The following GABBR2 variants were observed in gnomAD, a reference collection of about 807,000 sequenced individuals.
The protein encoded by GABBR2 is gamma-aminobutyric acid type B receptor subunit 2.
GABBR2 carries 23 observed loss-of-function variants against 105.6 expected under a neutral mutation model. The ratio of observed to expected loss-of-function variants is 0.22; its 90% CI spans 0.16 to 0.31. The LOEUF (loss-of-function observed/expected upper bound fraction) is 0.31. GABBR2 is among the 10% of genes least tolerant of loss of function. GABBR2 has a pLI of 1.00. For missense variants in GABBR2, 734 were observed against 1,245.5 expected (o/e 0.59, Z 6.18); for synonymous variants, 478 against 499.7 (o/e 0.96, Z 0.58).
intron 3 of GABBR2, among the ~76,000 whole-genome samples, chr9:98,497,596 A>T (rs1827307544): frequency 6.6e-6 from 1 of 152,194 alleles, no homozygotes; most frequent in Non-Finnish European, 1.5e-5. Flanking sequence ...CTGCTCTATC[A>T]CTGACTTGCT....
chr9:98,406,042 A>C (rs1446352954), intron 8 of GABBR2, 39 bp downstream of exon 8: 1 of 1,136,460 alleles, frequency 8.8e-7, no homozygotes, highest in Non-Finnish European at 1.3e-6. Flanking sequence ...CTGAATCTAA[A>C]TTTTATCAGC....
intron 4 of GABBR2, among the ~76,000 whole-genome samples, chr9:98,484,027 G>A (rs1351087887): frequency 3.3e-5 from 5 of 152,182 alleles, no homozygotes; most frequent in Non-Finnish European, 7.3e-5. Flanking sequence ...GGCCTACGCT[G>A]CTTATTTGGT....
chr9:98,685,036 T>C (rs1344002729), intron 1 of GABBR2, among the ~76,000 whole-genome samples: 1 of 152,158 alleles, frequency 6.6e-6, no homozygotes, highest in Non-Finnish European at 1.5e-5. Flanking sequence ...AACATTTGAG[T>C]CAGTGAACTA....
chr9:98,611,014 A>G (rs1400563787), intron 1 of GABBR2, among the ~76,000 whole-genome samples: 1 of 152,102 alleles, frequency 6.6e-6, no homozygotes, highest in Non-Finnish European at 1.5e-5. Context: ...CAAACAAAAA[A>G]AACAAGGTGC....
At chr9:98,352,221 G>A (rs28771133) in intron 13 of GABBR2, among the ~76,000 whole-genome samples, 1 of 152,362 alleles carries the variant, frequency 6.6e-6, no homozygotes, top group East Asian at 1.9e-4. Context: ...GTGGCATGTA[G>A]GGGCACTGGT....
chr9:98,555,012 C>T (rs2131753592), intron 2 of GABBR2, among the ~76,000 whole-genome samples: 1 of 152,320 alleles, frequency 6.6e-6, no homozygotes, highest in Non-Finnish European at 1.5e-5. Context: ...CTTCAGTCTC[C>T]TCCTCTGTAA....
intron 7 of GABBR2, among the ~76,000 whole-genome samples, chr9:98,415,194 G>A (rs1029834345): frequency 9.2e-5 from 14 of 152,074 alleles, no homozygotes; most frequent in South Asian, 2.1e-4. Flanking sequence ...TGTGATTATC[G>A]CTTTTTATTT....
At chr9:98,332,612 T>C (rs1369236554) in intron 13 of GABBR2, among the ~76,000 whole-genome samples, 2 of 152,236 alleles carry the variant, frequency 1.3e-5, no homozygotes, top group East Asian at 1.9e-4. Flanking sequence ...AAGCACACAG[T>C]GCAGGGGCCT....
intron 13 of GABBR2, among the ~76,000 whole-genome samples, chr9:98,325,618 C>G (rs1346070957): frequency 6.6e-6 from 1 of 152,096 alleles, no homozygotes; most frequent in Non-Finnish European, 1.5e-5. Flanking sequence ...AGGTTAGAGA[C>G]AGCAGTTGTG....
chr9:98,471,641 A>G (rs1436182967), intron 6 of GABBR2, among the ~76,000 whole-genome samples: 4 of 152,198 alleles, frequency 2.6e-5, no homozygotes, highest in Non-Finnish European at 5.9e-5. Context: ...ACAGCCTCAC[A>G]GATCTCCTGT....
At chr9:98,451,915 T>C (rs7024036) in intron 7 of GABBR2, among the ~76,000 whole-genome samples, 42,875 of 152,112 alleles carry the variant, frequency 0.28, 6,862 homozygotes, top group African/African-American at 0.43. Flanking sequence ...GTTCAAGGCA[T>C]GGGTCAAATG....
intron 2 of GABBR2, among the ~76,000 whole-genome samples, chr9:98,565,645 G>A (rs980150145): frequency 2.0e-5 from 3 of 152,170 alleles, no homozygotes; most frequent in African/African-American, 7.2e-5. Context: ...ATGTCCTTGA[G>A]TGGATGGCCA....
intron 13 of GABBR2, among the ~76,000 whole-genome samples, chr9:98,323,726 G>A (rs141668161): frequency 1.3e-5 from 2 of 152,322 alleles, no homozygotes; most frequent in South Asian, 2.1e-4. Context: ...TGGCATGGCC[G>A]TGCAGAGGCT....
At chr9:98,371,401 T>C in intron 12 of GABBR2, 63 bp downstream of exon 12, 1 of 884,716 alleles carries the variant, frequency 1.1e-6, no homozygotes, top group South Asian at 1.4e-5. Context: ...ATATAGTATA[T>C]ACTTGCTAGA....
At chr9:98,534,334 TTGGAGC>T (rs1828126282) in intron 3 of GABBR2, among the ~76,000 whole-genome samples, 1 of 125,024 alleles carries the variant, frequency 8.0e-6, no homozygotes, top group Non-Finnish European at 1.9e-5. Flanking sequence ...GTCTTGGAGC[TTGGAGC>T]TTGGAGGGAG....
chr9:98,534,633 C>T (rs532267195), intron 3 of GABBR2, among the ~76,000 whole-genome samples: 5 of 152,272 alleles, frequency 3.3e-5, no homozygotes, highest in African/African-American at 1.2e-4. Flanking sequence ...AAAGATGCTC[C>T]ACATCATATG....
chr9:98,652,760 G>C (rs541190783), intron 1 of GABBR2, among the ~76,000 whole-genome samples: 15 of 152,336 alleles, frequency 9.8e-5, no homozygotes, highest in African/African-American at 3.4e-4. Flanking sequence ...CAGGTGAGAA[G>C]AGCTGGCACC....
At chr9:98,436,997 G>T (rs909542280) in intron 7 of GABBR2, among the ~76,000 whole-genome samples, 1 of 152,108 alleles carries the variant, frequency 6.6e-6, no homozygotes, top group South Asian at 2.1e-4. Context: ...GAGTAACTGG[G>T]TAGAGGACAG....
chr9:98,377,639 C>T (rs950067523), intron 11 of GABBR2, among the ~76,000 whole-genome samples: 1 of 152,182 alleles, frequency 6.6e-6, no homozygotes, highest in Admixed American at 6.5e-5. Context: ...ATTGTGGGAA[C>T]AAGAGTGCTG....
Sources: gnomAD v4.1 joint callset for allele counts (sites outside exome capture counted in the v4.1 genomes callset) on GRCh38, gnomAD v4.1.1 for gene constraint, MANE v1.5 for transcripts, NCBI Gene and HGNC (gene_info 2026-07-23, HGNC 2026-07-21) for gene names.